Variants in ANK2 observed in about 807,000 individuals in gnomAD.
ANK2 encodes the protein ankyrin-2.
Under a neutral mutation model 360.5 loss-of-function variants are expected in ANK2, and 83 were observed. The observed-to-expected ratio is 0.23, with a 90% CI of 0.19 to 0.28. The LOEUF is 0.28. ANK2 is among the 10% of genes least tolerant of loss of function. ANK2 has a pLI of 1.00. For synonymous variants in ANK2, 1,740 were observed against 1,759.5 expected, an observed-to-expected ratio of 0.99 and a Z score of 0.28; for missense variants, 4,201 against 4,795.7, an observed-to-expected ratio of 0.88 and a Z score of 3.66.
chr4:113,013,869 A>G (rs1483686647), intron 2 of ANK2, among the ~76,000 whole-genome samples: 1 of 151,886 alleles, frequency 6.6e-6, no homozygotes, highest in African/African-American at 2.4e-5. Flanking sequence ...TAGCTTAAGG[A>G]TTTCATAAAT....
chr4:112,991,528 A>G (rs1476992602), intron 2 of ANK2, among the ~76,000 whole-genome samples: 1 of 151,494 alleles, frequency 6.6e-6, no homozygotes, highest in Non-Finnish European at 1.5e-5. Context: ...CATGTGTTAC[A>G]CACACAGTCT....
At chr4:113,094,858 A>G (rs2090306157) in intron 1 of ANK2, among the ~76,000 whole-genome samples, 1 of 152,242 alleles carries the variant, frequency 6.6e-6, no homozygotes, top group African/African-American at 2.4e-5. Flanking sequence ...GTGTTTAGTC[A>G]CAAAGCATTG....
chr4:112,925,775 G>A (rs979988544), intron 2 of ANK2, among the ~76,000 whole-genome samples: 2 of 152,202 alleles, frequency 1.3e-5, no homozygotes, highest in African/African-American at 4.8e-5. Flanking sequence ...TGTAGAGCAT[G>A]AAATGAGTTT....
the ANK2 span, among the ~76,000 whole-genome samples, chr4:112,801,961 A>AT: frequency 3.9e-4 from 59 of 149,648 alleles, no homozygotes; most frequent in Middle Eastern, 6.9e-3. Context: ...ACCATTCATG[A>AT]TTTTTTTTTT....
At chr4:112,858,296 G>T (rs1308552631) in intron 1 of ANK2, among the ~76,000 whole-genome samples, 1 of 152,034 alleles carries the variant, frequency 6.6e-6, no homozygotes, top group Non-Finnish European at 1.5e-5. Flanking sequence ...CAAAAATAAG[G>T]TTAGTAAAAA....
chr4:112,868,051 C>A (rs932852772), intron 1 of ANK2, among the ~76,000 whole-genome samples: 6 of 152,162 alleles, frequency 3.9e-5, no homozygotes, highest in Non-Finnish European at 7.3e-5. Context: ...TTCTCCATAT[C>A]CTCGCTAACA....
the ANK2 span, among the ~76,000 whole-genome samples, chr4:112,804,105 G>A: frequency 7.3e-5 from 11 of 150,336 alleles, no homozygotes; most frequent in African/African-American, 2.2e-4. Context: ...TGCAACCTCC[G>A]CCTCCTGGGT....
intron 26 of ANK2, among the ~76,000 whole-genome samples, chr4:113,325,896 A>G (rs901005289): frequency 6.6e-6 from 1 of 152,180 alleles, no homozygotes; most frequent in African/African-American, 2.4e-5. Context: ...CATAGATGAC[A>G]GGCAGAGCCA....
intron 2 of ANK2, among the ~76,000 whole-genome samples, chr4:112,959,844 T>G (rs2033761725): frequency 6.6e-6 from 1 of 152,152 alleles, no homozygotes; most frequent in Admixed American, 6.5e-5. Flanking sequence ...GAGGAGTATT[T>G]TTTTGTCAGC....
the ANK2 span, among the ~76,000 whole-genome samples, chr4:112,755,106 C>T: frequency 6.6e-6 from 1 of 152,188 alleles, no homozygotes; most frequent in Non-Finnish European, 1.5e-5. Context: ...TCCTGCCCTG[C>T]TTCCGCACCT....
At position 113,218,303 on chromosome 4, in the gene ANK2, C is replaced by CA. The variant is rs143633756; in HGVS notation, c.385-13851dup. Among the ~76,000 whole-genome samples, 787 of 151,966 alleles carry CA rather than the reference C, an allele frequency of 5.2e-3. 4 individuals are homozygous for CA. Among genetic ancestry groups the CA allele is most frequent in the Non-Finnish European group, 9.5e-3 (648 of 67,912 alleles). ...GAAAACACAGCAACTATTTTAGAATCAAAAAAATGAACCTTTTTCTTTGGA... is the reference window on the plus strand; with the variant it reads ...GAAAACACAGCAACTATTTTAGAATCAAAAAAAATGAACCTTTTTCTTTGGA... On this transcript the variant is annotated intron_variant, in intron 4 of 45. Transcript: ENST00000357077.
chr4:113,162,202 A>C (rs1411176902), intron 1 of ANK2, among the ~76,000 whole-genome samples: 1 of 151,302 alleles, frequency 6.6e-6, no homozygotes, highest in Non-Finnish European at 1.5e-5. Flanking sequence ...AATTTCCCCC[A>C]AGTTTTACAG....
intron 1 of ANK2, among the ~76,000 whole-genome samples, chr4:113,059,283 G>A (rs1450029021): frequency 1.3e-5 from 2 of 152,118 alleles, no homozygotes; most frequent in African/African-American, 4.8e-5. Flanking sequence ...TGCTTAAATA[G>A]TATTTTCTGT....
chr4:113,282,820 A>T lies in ANK2; in HGVS notation c.2027A>T (p.Asp676Val). 6.2e-7 allele frequency: 1 copy of T among 1,614,050 alleles called. No individual in the cohort carries two copies. Among genetic ancestry groups the T allele is most frequent in the East Asian group, 2.2e-5 (1 of 44,876 alleles). ...LHLASQEGHTDMVTLLLDKGA... is the reference protein window; with the variant it reads ...LHLASQEGHTVMVTLLLDKGA... ...CTGGCCTCGCAGGAGGGGCACACAG[A>T]TATGGTTACCTTGCTTCTGGATAAG... The change falls in exon 18 of 46, where the codon GAT becomes GTT. Residue 676 changes from aspartate to valine, a missense_variant. Asp to Val is a radical substitution (Grantham distance 152). This residue lies in a region of ANK2 where 1,268 missense variants were observed against 1,650.8 expected (regional missense o/e 0.77). Transcript: ENST00000357077.
intron 1 of ANK2, among the ~76,000 whole-genome samples, chr4:113,125,140 G>T (rs2095587685): frequency 6.6e-6 from 1 of 151,914 alleles, no homozygotes; most frequent in African/African-American, 2.4e-5. Flanking sequence ...TTTATAGTTT[G>T]TCTGTAAAAA....
intron 13 of ANK2, among the ~76,000 whole-genome samples, chr4:113,263,078 C>T (rs1262924144): frequency 1.3e-5 from 2 of 150,374 alleles, no homozygotes; most frequent in Admixed American, 6.6e-5. Context: ...ATCCCAGCTA[C>T]TTGGGAGGCT....
At chr4:113,222,377 T>G (rs2099160844) in intron 4 of ANK2, among the ~76,000 whole-genome samples, 1 of 150,770 alleles carries the variant, frequency 6.6e-6, no homozygotes, top group Non-Finnish European at 1.5e-5. Context: ...AAAGTACAGG[T>G]GTTCTCTGAA....
At chr4:113,335,395 A>G (rs1205324299) in intron 29 of ANK2, among the ~76,000 whole-genome samples, 1 of 152,174 alleles carries the variant, frequency 6.6e-6, no homozygotes, top group East Asian at 1.9e-4. Flanking sequence ...CCAAAGGGCT[A>G]TGTTACTTCT....
chr4:113,342,017 A>G, intron 33 of ANK2, 101 bp downstream of exon 33: 1 of 1,233,790 alleles, frequency 8.1e-7, no homozygotes, highest in South Asian at 1.4e-5. Flanking sequence ...ATAATTAAAA[A>G]GTGAAAGACA....
Sources: allele counts gnomAD v4.1 joint callset (sites outside exome capture counted in the v4.1 genomes callset), GRCh38; gene constraint gnomAD v4.1.1; regional missense constraint gnomAD v4.1.1; transcripts MANE v1.5; gene names NCBI Gene and HGNC (gene_info 2026-07-23, HGNC 2026-07-21).